MPP7: variants seen among roughly 807,000 people sequenced by gnomAD.
The protein encoded by MPP7 is MAGUK p55 scaffold protein 7, also known as MAGUK p55 subfamily member 7.
Under a neutral mutation model 76.5 loss-of-function variants are expected in MPP7, and 60 were observed. That is an observed-to-expected ratio of 0.78 (90% CI 0.64 to 0.97). MPP7 has a LOEUF of 0.97. Ranked by LOEUF, MPP7 falls within the 50% of genes least tolerant of loss-of-function variation. The pLI, the probability that MPP7 is intolerant of heterozygous loss-of-function variation, is 0.00. For missense variants in MPP7, 641 were observed against 694.0 expected, an observed-to-expected ratio of 0.92 and a Z score of 0.86; for synonymous variants, 237 against 244.5, an observed-to-expected ratio of 0.97 and a Z score of 0.29.
At chr10:28,191,979 C>T (rs1037520799) in intron 3 of MPP7, among the ~76,000 whole-genome samples, 1 of 152,000 alleles carries the variant, frequency 6.6e-6, no homozygotes, top group African/African-American at 2.4e-5. Context: ...CAAAAATTAG[C>T]CAGGCGTAGT....
At chr10:28,098,295 T>C (rs1032156329) in intron 11 of MPP7, among the ~76,000 whole-genome samples, 3 of 151,812 alleles carry the variant, frequency 2.0e-5, no homozygotes, top group Admixed American at 1.3e-4. Context: ...ACCATAGAAA[T>C]GCATTTCATA....
chr10:28,293,994 G>A (rs559657314), intron 1 of MPP7, among the ~76,000 whole-genome samples: 28 of 152,300 alleles, frequency 1.8e-4, no homozygotes, highest in African/African-American at 5.3e-4. Flanking sequence ...TCAGCAAGCC[G>A]AGAGATGAGA....
At chr10:28,092,184 G>A (rs1445003504) in intron 11 of MPP7, among the ~76,000 whole-genome samples, 1 of 152,210 alleles carries the variant, frequency 6.6e-6, no homozygotes, top group Non-Finnish European at 1.5e-5. Context: ...AGTGACTAAA[G>A]TTTATCTGAT....
intron 13 of MPP7, among the ~76,000 whole-genome samples, chr10:28,062,752 A>C (rs1851843969): frequency 6.6e-6 from 1 of 152,188 alleles, no homozygotes; most frequent in African/African-American, 2.4e-5. Context: ...TCAAACTGAT[A>C]AAGTCAACGT....
At chr10:28,105,253 C>A (rs1441757184) in intron 11 of MPP7, among the ~76,000 whole-genome samples, 1 of 140,650 alleles carries the variant, frequency 7.1e-6, no homozygotes, top group Non-Finnish European at 1.5e-5. Context: ...ACATTTTGCA[C>A]AACATCAGCC....
chr10:28,131,535 C>T, intron 6 of MPP7, 25 bp downstream of exon 6: 7 of 1,555,962 alleles, frequency 4.5e-6, no homozygotes, highest in Non-Finnish European at 5.2e-6. Flanking sequence ...ATGGTATCTA[C>T]TCATATCTGA....
At chr10:28,228,490 G>A (rs773850854) in intron 2 of MPP7, among the ~76,000 whole-genome samples, 1 of 152,176 alleles carries the variant, frequency 6.6e-6, no homozygotes, top group Non-Finnish European at 1.5e-5. Context: ...TCTTGGCCAG[G>A]CACAGTGGCT....
intron 5 of MPP7, among the ~76,000 whole-genome samples, chr10:28,144,980 T>A (rs1472629734): frequency 1.3e-5 from 2 of 152,164 alleles, no homozygotes; most frequent in Non-Finnish European, 2.9e-5. Flanking sequence ...GTTATAAAAA[T>A]TTTCAGAAAG....
chr10:28,149,417 C>G lies in MPP7; in HGVS notation c.234+565G>C, dbSNP rs1056835899. On this transcript the variant is annotated intron_variant, in intron 4 of 16. Transcript: ENST00000683449. Reference sequence around the variant, plus strand: ...CAAGTTCAAAATAAAATTATAGCTACAGGAAATTAACTACTCCATCAATGC... The same window carrying G: ...CAAGTTCAAAATAAAATTATAGCTAGAGGAAATTAACTACTCCATCAATGC... 2.0e-5 allele frequency among the ~76,000 whole-genome samples: 3 copies of G among 152,252 alleles called. No homozygotes were observed. The East Asian group carries it at 5.8e-4, about 29-fold the overall frequency.
At chr10:28,187,851 T>C (rs1219611193) in intron 3 of MPP7, among the ~76,000 whole-genome samples, 1 of 152,198 alleles carries the variant, frequency 6.6e-6, no homozygotes, top group Non-Finnish European at 1.5e-5. Context: ...CTTTTTAAAA[T>C]ACCTTGACTG....
intron 3 of MPP7, among the ~76,000 whole-genome samples, chr10:28,152,624 C>T (rs551802563): frequency 6.6e-6 from 1 of 152,298 alleles, no homozygotes; most frequent in African/African-American, 2.4e-5. Flanking sequence ...TGTGGCTTGA[C>T]TTGAGGAACT....
rs188918461 is a variant in MPP7, at chr10:28,332,186, C to T, written c.-205-2184G>A. On this transcript the variant is annotated intron_variant, in intron 1 of 11. Transcript: ENST00000441595. ...GCAAGTCTTCATTTCATTAACACCA[C>T]GTTTTAAGCAACTTAGATAATGTTT... Among the ~76,000 whole-genome samples, 8 of 151,786 alleles carry T rather than the reference C, an allele frequency of 5.3e-5. No individual in the cohort carries two copies. The East Asian group carries it at 7.7e-4, about 15-fold the overall frequency.
At chr10:28,106,494 G>C (rs1470945084) in intron 11 of MPP7, among the ~76,000 whole-genome samples, 1 of 152,194 alleles carries the variant, frequency 6.6e-6, no homozygotes, top group Non-Finnish European at 1.5e-5. Context: ...CGGTTATTTA[G>C]AGGGGTTATG....
chr10:28,261,344 C>A (rs1221152697), intron 1 of MPP7, among the ~76,000 whole-genome samples: 1 of 152,164 alleles, frequency 6.6e-6, no homozygotes, highest in African/African-American at 2.4e-5. Context: ...CCCACCAACA[C>A]GGTGGCTTTG....
intron 3 of MPP7, among the ~76,000 whole-genome samples, chr10:28,172,739 T>C (rs1380196883): frequency 6.6e-6 from 1 of 152,250 alleles, no homozygotes; most frequent in African/African-American, 2.4e-5. Flanking sequence ...CTCGTGTATC[T>C]AATTACACAT....
At chr10:28,142,118 C>G (rs16928532) in intron 5 of MPP7, among the ~76,000 whole-genome samples, 4,033 of 152,084 alleles carry the variant, frequency 0.027, 151 homozygotes, top group African/African-American at 0.089. Flanking sequence ...ATGAAGAATA[C>G]AAGTCCTTTC....
intron 1 of MPP7, among the ~76,000 whole-genome samples, chr10:28,252,050 G>C (rs1172625553): frequency 6.6e-6 from 1 of 152,160 alleles, no homozygotes; most frequent in East Asian, 1.9e-4. Context: ...GACTACACTT[G>C]AGACAAGACA....
At chr10:28,290,417 C>G (rs1195620471) in intron 1 of MPP7, among the ~76,000 whole-genome samples, 1 of 150,520 alleles carries the variant, frequency 6.6e-6, no homozygotes, top group African/African-American at 2.4e-5. Context: ...CTTACTTTAT[C>G]TGCAACTGCC....
intron 3 of MPP7, among the ~76,000 whole-genome samples, chr10:28,178,057 A>G (rs376351123): frequency 8.0e-4 from 122 of 152,228 alleles, no homozygotes; most frequent in African/African-American, 2.7e-3. Context: ...CTGATTTTTC[A>G]TCCTTTCCCT....
Sources: allele counts gnomAD v4.1 joint callset (sites outside exome capture counted in the v4.1 genomes callset), GRCh38; gene constraint gnomAD v4.1.1; transcripts MANE v1.5; gene names NCBI Gene and HGNC (gene_info 2026-07-23, HGNC 2026-07-21).